GABRA1: variants seen among roughly 807,000 people sequenced by gnomAD.
GABRA1 encodes gamma-aminobutyric acid type A receptor subunit alpha1.
Under a neutral mutation model 48.9 loss-of-function variants are expected in GABRA1, and 9 were observed. The observed-to-expected ratio is 0.18, with a 90% CI of 0.11 to 0.32. The LOEUF (loss-of-function observed/expected upper bound fraction) is 0.32. Ranked by LOEUF, GABRA1 falls within the 10% of genes least tolerant of loss-of-function variation. The pLI, the probability that GABRA1 is intolerant of heterozygous loss-of-function variation, is 1.00. For synonymous variants in GABRA1, 210 were observed against 198.7 expected (o/e 1.06, Z -0.48); for missense variants, 285 against 553.8 (o/e 0.51, Z 4.87).
intron 3 of GABRA1, among the ~76,000 whole-genome samples, chr5:161,863,147 T>G (rs1196006235): frequency 6.6e-6 from 1 of 151,904 alleles, no homozygotes; most frequent in African/African-American, 2.4e-5. Context: ...ATGTAATATA[T>G]AGTATTTGTG....
rs536603724 is a variant in GABRA1 at position 161,865,770 on chromosome 5, C to A, written c.237C>A (p.Pro79=). 6.2e-7 allele frequency: 1 copy of A among 1,612,294 alleles called. No individual in the cohort carries two copies. The highest frequency in any genetic ancestry group is 8.5e-7 in the Non-Finnish European group (1 of 1,178,782). Residue 79 remains proline (P), a synonymous_variant, in exon 4 of 10, where the codon CCC becomes CCA. Transcript: ENST00000393943. ...KTDIFVTSFG[P]VSDHDMEYTI... Reference sequence around the variant, plus strand: ...ATATCTTCGTCACCAGTTTCGGACCCGTTTCAGACCATGATATGGTAAGTG... The same window carrying A: ...ATATCTTCGTCACCAGTTTCGGACCAGTTTCAGACCATGATATGGTAAGTG...
chr5:161,871,812 T>TG (rs1200337954), intron 4 of GABRA1, among the ~76,000 whole-genome samples: 1 of 152,184 alleles, frequency 6.6e-6, no homozygotes, highest in Non-Finnish European at 1.5e-5. Flanking sequence ...TACACCTCCT[T>TG]GTTTCTATCT....
chr5:161,852,213 G>A (rs1581176436), intron 2 of GABRA1, among the ~76,000 whole-genome samples: 1 of 151,958 alleles, frequency 6.6e-6, no homozygotes, highest in East Asian at 1.9e-4. Context: ...GCATTCCAAT[G>A]CAAACAATTG....
Position 161,899,900 on chromosome 5 carries a change from T to C in GABRA1, c.*2478T>C, listed in dbSNP as rs959419488. 3 of 152,170 alleles carry C rather than the reference T, an allele frequency of 2.0e-5. No homozygotes were observed. Among genetic ancestry groups the C allele is most frequent in the African/African-American group, 7.2e-5 (3 of 41,452 alleles). 9.4% of individuals were successfully genotyped at this position (152,170 alleles called of 1,614,324 possible). A position where few individuals can be genotyped will look rare whatever the true frequency, so the allele number is the denominator to read the frequency against. ...CAGAGTTTAGCAAAAGCTCTTAATT[T>C]TATGTCATACTGTATTCTACTGAAT... is the stretch of plus-strand genomic sequence containing the variant. On this transcript the variant is annotated 3_prime_UTR_variant, in exon 10 of 10. Transcript: ENST00000393943.
chr5:161,875,660 G>A lies in GABRA1; in HGVS notation c.559+18G>A, dbSNP rs767478000. The A allele has an allele frequency of 1.3e-6, 2 of 1,550,608 alleles. No individual in the cohort carries two copies. Among genetic ancestry groups the A allele is most frequent in the South Asian group, 1.1e-5 (1 of 89,784 alleles). ...TGGAAGTTGTGAGTAAATTTATATGGACTTTTCTTGATTGTAAGTCATTAA... is the reference window on the plus strand; with the variant it reads ...TGGAAGTTGTGAGTAAATTTATATGAACTTTTCTTGATTGTAAGTCATTAA... On this transcript the variant is annotated intron_variant, in intron 6 of 9. Coordinates refer to ENST00000393943, the MANE Select transcript of GABRA1 (RefSeq NM_001127644.2).
intron 6 of GABRA1, among the ~76,000 whole-genome samples, chr5:161,880,115 G>A (rs1312523804): frequency 6.6e-6 from 1 of 152,064 alleles, no homozygotes; most frequent in Non-Finnish European, 1.5e-5. Flanking sequence ...CAAATGAACG[G>A]CATCCTAAGT....
intron 7 of GABRA1, among the ~76,000 whole-genome samples, chr5:161,885,439 G>C (rs750416898): frequency 3.9e-5 from 6 of 152,062 alleles, no homozygotes; most frequent in Non-Finnish European, 7.4e-5. Context: ...TAGATAAAAG[G>C]CATCTTCTTC....
chr5:161,882,179 G>A (rs544135816), intron 6 of GABRA1: 30 of 299,910 alleles, frequency 1.0e-4, no homozygotes, highest in South Asian at 8.2e-4. Flanking sequence ...CTTTTACTCG[G>A]TTGTGTATGA....
At chr5:161,871,644 T>C (rs1363344566) in intron 4 of GABRA1, among the ~76,000 whole-genome samples, 3 of 152,158 alleles carry the variant, frequency 2.0e-5, no homozygotes, top group African/African-American at 7.2e-5. Flanking sequence ...CAGTCCCTCC[T>C]TTGCTGAATT....
At chr5:161,875,359 A>G (rs1012363254) in intron 5 of GABRA1, among the ~76,000 whole-genome samples, 1 of 152,182 alleles carries the variant, frequency 6.6e-6, no homozygotes, top group African/African-American at 2.4e-5. Context: ...TGTTTCTTAA[A>G]GCAAACAAAC....
chr5:161,856,313 A>C (rs1180095444), intron 3 of GABRA1, among the ~76,000 whole-genome samples: 1 of 151,456 alleles, frequency 6.6e-6, no homozygotes, highest in African/African-American at 2.4e-5. Context: ...TACTTTTATC[A>C]TCCAGTTAAT....
intron 3 of GABRA1, among the ~76,000 whole-genome samples, chr5:161,854,723 T>C (rs1239457542): frequency 6.6e-6 from 1 of 151,640 alleles, no homozygotes; most frequent in Non-Finnish European, 1.5e-5. Context: ...CCACCACCTC[T>C]AGGATAATAG....
At chr5:161,851,818 A>T (rs187336606) in intron 2 of GABRA1, among the ~76,000 whole-genome samples, 191 of 152,276 alleles carry the variant, frequency 1.3e-3, no homozygotes, top group Middle Eastern at 3.4e-3. Context: ...TTATTATCAG[A>T]TATCCTTAAT....
In GABRA1 at chr5:161,850,806, C is replaced by A; in HGVS notation, c.-5C>A. 6.2e-7 allele frequency: 1 copy of A among 1,613,956 alleles called. No homozygotes were observed. The highest frequency in any genetic ancestry group is 8.5e-7 in the Non-Finnish European group (1 of 1,179,894). On this transcript the variant is annotated 5_prime_UTR_variant, in exon 2 of 10. Transcript: ENST00000393943. ...TATTCTACTTTTCAGCTGCTCCAGC[C>A]CGCGATGAGGAAAAGTCCAGGTCTG... is the stretch of plus-strand genomic sequence containing the variant.
chr5:161,859,405 T>C (rs555952574), intron 3 of GABRA1, among the ~76,000 whole-genome samples: 1 of 151,920 alleles, frequency 6.6e-6, no homozygotes, highest in East Asian at 1.9e-4. Flanking sequence ...GGAAATTCCC[T>C]GCAGTTGGCA....
At chr5:161,853,246 GA>G (rs1161062940) in intron 2 of GABRA1, among the ~76,000 whole-genome samples, 1 of 151,826 alleles carries the variant, frequency 6.6e-6, no homozygotes, top group Non-Finnish European at 1.5e-5. Flanking sequence ...TTTTTGAACT[GA>G]GGTCACTATG....
chr5:161,894,821 G>T (rs1448365653), intron 8 of GABRA1, among the ~76,000 whole-genome samples: 2 of 152,034 alleles, frequency 1.3e-5, no homozygotes, highest in Admixed American at 1.3e-4. Context: ...AAACTAAAAT[G>T]GGCTAACTTG....
intron 4 of GABRA1, among the ~76,000 whole-genome samples, chr5:161,869,667 T>C (rs929977556): frequency 1.3e-5 from 2 of 152,108 alleles, no homozygotes; most frequent in African/African-American, 4.8e-5. Flanking sequence ...TTCAATACAA[T>C]ATTTATTTAG....
chr5:161,851,075 T>C (rs183060722), intron 2 of GABRA1, among the ~76,000 whole-genome samples, 191 bp downstream of exon 2: 80 of 152,316 alleles, frequency 5.3e-4, no homozygotes, highest in African/African-American at 1.8e-3. Flanking sequence ...TTAGTTAGAA[T>C]ACAATTAACA....
Sources: allele counts gnomAD v4.1 joint callset (sites outside exome capture counted in the v4.1 genomes callset), GRCh38; gene constraint gnomAD v4.1.1; transcripts MANE v1.5; gene names NCBI Gene and HGNC (gene_info 2026-07-23, HGNC 2026-07-21).